SGCZ: variants seen among roughly 807,000 people sequenced by gnomAD.
SGCZ encodes the protein sarcoglycan zeta.
In SGCZ, 40 loss-of-function variants were observed where a neutral mutation model predicts 41.3. The ratio of observed to expected loss-of-function variants is 0.97; its 90% CI spans 0.75 to 1.26. SGCZ has a LOEUF of 1.26. SGCZ is among the 50% of genes most tolerant of loss of function. SGCZ has a pLI of 0.00. For synonymous variants in SGCZ, 206 were observed against 137.5 expected, an observed-to-expected ratio of 1.50 and a Z score of -3.49; for missense variants, 552 against 369.8, an observed-to-expected ratio of 1.49 and a Z score of -4.04.
intron 5 of SGCZ, among the ~76,000 whole-genome samples, chr8:14,123,787 A>G (rs936687067): frequency 7.2e-5 from 11 of 152,208 alleles, no homozygotes; most frequent in African/African-American, 2.7e-4. Flanking sequence ...ACCTGTGAAT[A>G]TGTCACAGTT....
chr8:14,942,649 C>T (rs1164619662), intron 1 of SGCZ, among the ~76,000 whole-genome samples: 3 of 152,112 alleles, frequency 2.0e-5, no homozygotes, highest in East Asian at 1.9e-4. Context: ...CTCCGTAACA[C>T]CCATTTTCCC....
At chr8:15,160,063 T>G (rs955135756) in intron 1 of SGCZ, among the ~76,000 whole-genome samples, 1 of 152,082 alleles carries the variant, frequency 6.6e-6, no homozygotes, top group Non-Finnish European at 1.5e-5. Context: ...TATTGGCCCA[T>G]TTTTAAGTGT....
At chr8:14,581,651 C>A (rs991028076) in intron 1 of SGCZ, among the ~76,000 whole-genome samples, 10 of 152,210 alleles carry the variant, frequency 6.6e-5, no homozygotes, top group African/African-American at 2.4e-4. Context: ...GTCCAGAAAG[C>A]ATCACCAAGA....
intron 1 of SGCZ, among the ~76,000 whole-genome samples, chr8:15,062,164 T>C (rs1804962792): frequency 6.6e-6 from 1 of 152,162 alleles, no homozygotes; most frequent in Non-Finnish European, 1.5e-5. Flanking sequence ...CACCCCTTTA[T>C]AAGAACTACT....
At chr8:14,434,208 C>A (rs924421484) in intron 2 of SGCZ, among the ~76,000 whole-genome samples, 1 of 152,110 alleles carries the variant, frequency 6.6e-6, no homozygotes, top group Admixed American at 6.5e-5. Flanking sequence ...ATCCCAGCAC[C>A]ATTTGTTGAA....
chr8:14,674,928 G>GTTT lies in SGCZ; in HGVS notation c.40-120005_40-120003dup, dbSNP rs201881681. ...GCCAATTTAACCTCTTTTCTTTTCT[G>GTTT]TTTTTTTTTTTTTTTTTTTTTTTTT... is the stretch of plus-strand genomic sequence containing the variant. On this transcript the variant is annotated intron_variant, in intron 1 of 7. Coordinates refer to ENST00000382080, the MANE Select transcript of SGCZ (RefSeq NM_139167.4). Among the ~76,000 whole-genome samples, 35 of 71,008 alleles carry GTTT rather than the reference G, an allele frequency of 4.9e-4. 1 individual carries two copies. Among genetic ancestry groups the GTTT allele is most frequent in the Admixed American group, 6.2e-4 (3 of 4,860 alleles). The allele number at this position is 71,008 out of a possible 152,430, so 46.6% of individuals were successfully genotyped here. A position where few individuals can be genotyped will look rare whatever the true frequency, so the allele number is the denominator to read the frequency against.
At chr8:14,421,402 G>C (rs1227773764) in intron 2 of SGCZ, among the ~76,000 whole-genome samples, 3 of 152,046 alleles carry the variant, frequency 2.0e-5, no homozygotes, top group Non-Finnish European at 4.4e-5. Context: ...TAAAATGCAT[G>C]ATATATTCAC....
At chr8:15,146,939 C>A (rs921399708) in intron 1 of SGCZ, among the ~76,000 whole-genome samples, 10 of 152,078 alleles carry the variant, frequency 6.6e-5, no homozygotes, top group African/African-American at 2.4e-4. Context: ...ACAAGCCTAA[C>A]ACAGATGCCC....
intron 2 of SGCZ, among the ~76,000 whole-genome samples, chr8:14,404,676 T>G (rs1054153429): frequency 6.6e-6 from 1 of 152,214 alleles, no homozygotes; most frequent in Admixed American, 6.6e-5. Context: ...AGACCAGTTC[T>G]TTCTCCAAAG....
At chr8:14,380,118 T>C (rs1336640833) in intron 2 of SGCZ, among the ~76,000 whole-genome samples, 2 of 152,186 alleles carry the variant, frequency 1.3e-5, no homozygotes, top group Admixed American at 1.3e-4. Context: ...TGTAAGCCAG[T>C]CATATTATTT....
Position 14,783,385 on chromosome 8 carries a change from G to A in SGCZ, c.40-228459C>T, listed in dbSNP as rs375516463. On this transcript the variant is annotated intron_variant, in intron 1 of 7. Coordinates refer to ENST00000382080, the MANE Select transcript of SGCZ (RefSeq NM_139167.4). ...GTAGGTGGAAGTTGCAGTGAGCTGA[G>A]ATAGCACCACTGCACTCCAGCCTGG... Among the ~76,000 whole-genome samples the A allele has an allele frequency of 4.6e-5, 7 of 150,600 alleles. No individual in the cohort carries two copies. The East Asian group carries it at 1.2e-3, about 25-fold the overall frequency.
At position 14,151,277 on chromosome 8, in the gene SGCZ, G is replaced by A. The variant is rs180741792; in HGVS notation, c.547+13303C>T. Among the ~76,000 whole-genome samples the A allele has an allele frequency of 1.7e-4, 26 of 151,930 alleles. 1 individual carries two copies. In the East Asian group the frequency reaches 4.1e-3, roughly 24 times the overall value. Reference sequence around the variant, plus strand: ...TTGCATTCTTGCATCGACATCTCATGTACCCCATAAATATATATGCATACT... The same window carrying A: ...TTGCATTCTTGCATCGACATCTCATATACCCCATAAATATATATGCATACT... On this transcript the variant is annotated intron_variant, in intron 5 of 7. Transcript: ENST00000382080.
intron 1 of SGCZ, among the ~76,000 whole-genome samples, chr8:15,180,345 C>T (rs1269526497): frequency 6.6e-6 from 1 of 152,128 alleles, no homozygotes; most frequent in Non-Finnish European, 1.5e-5. Flanking sequence ...CTACTGAAGA[C>T]ACTTTAACAT....
chr8:14,535,785 G>T (rs1198904997), intron 2 of SGCZ, among the ~76,000 whole-genome samples: 1 of 151,776 alleles, frequency 6.6e-6, no homozygotes, highest in Non-Finnish European at 1.5e-5. Flanking sequence ...ATGGATTAGG[G>T]TTGTAGGGAA....
intron 2 of SGCZ, among the ~76,000 whole-genome samples, chr8:14,532,267 G>C (rs1383056388): frequency 6.6e-6 from 1 of 151,962 alleles, no homozygotes; most frequent in Non-Finnish European, 1.5e-5. Context: ...TCAATTGCAA[G>C]AATATATTTA....
chr8:14,339,744 G>A (rs912514348), intron 2 of SGCZ, among the ~76,000 whole-genome samples: 1 of 152,018 alleles, frequency 6.6e-6, no homozygotes, highest in African/African-American at 2.4e-5. Flanking sequence ...CAAAAGGATG[G>A]AACTTAAAAA....
rs61237091 is a variant in SGCZ, at chr8:15,186,262, C to CAA, written c.39+51321_39+51322dup. On this transcript the variant is annotated intron_variant, in intron 1 of 7. Coordinates refer to ENST00000382080, the MANE Select transcript of SGCZ (RefSeq NM_139167.4). ...GGGCAACAGAGGGAAGATTCCGTAC[C>CAA]AAAAAAAAAAAAAAAAAAAAAAAAA... Among the ~76,000 whole-genome samples, 82 of 80,708 alleles carry CAA rather than the reference C, an allele frequency of 1.0e-3. 5 individuals are homozygous for CAA. The highest frequency in any genetic ancestry group is 3.5e-3 in the African/African-American group (54 of 15,432). 52.9% of individuals were successfully genotyped at this position (80,708 alleles called of 152,430 possible). A position where few individuals can be genotyped will look rare whatever the true frequency, so the allele number is the denominator to read the frequency against.
intron 1 of SGCZ, among the ~76,000 whole-genome samples, chr8:14,619,712 T>C (rs1171282701): frequency 1.3e-5 from 2 of 151,868 alleles, no homozygotes; most frequent in Non-Finnish European, 2.9e-5. Flanking sequence ...GAGAATAAAA[T>C]ACCTAGGAAT....
chr8:14,156,863 C>T (rs1041193760), intron 5 of SGCZ, among the ~76,000 whole-genome samples: 1 of 152,116 alleles, frequency 6.6e-6, no homozygotes, highest in Non-Finnish European at 1.5e-5. Flanking sequence ...GCTGTCATCC[C>T]CTATGATAAA....
Sources: allele counts gnomAD v4.1 joint callset (sites outside exome capture counted in the v4.1 genomes callset), GRCh38; gene constraint gnomAD v4.1.1; transcripts MANE v1.5; gene names NCBI Gene and HGNC (gene_info 2026-07-23, HGNC 2026-07-21).